The following NAALADL2 variants were observed in gnomAD, a reference collection of about 807,000 sequenced individuals.
NAALADL2 encodes inactive N-acetylated-alpha-linked acidic dipeptidase-like protein 2.
Under a neutral mutation model 87.2 loss-of-function variants are expected in NAALADL2, and 76 were observed. The observed-to-expected ratio is 0.87, with a 90% CI of 0.72 to 1.05. The LOEUF (loss-of-function observed/expected upper bound fraction) is 1.05, where lower values mean the gene tolerates loss of function less well. Among genes scored for constraint, NAALADL2 ranks in the 50% least tolerant of loss-of-function variants. The pLI, the probability that NAALADL2 is intolerant of heterozygous loss-of-function variation, is 0.00. For missense variants in NAALADL2, 1,089 were observed against 945.8 expected, an observed-to-expected ratio of 1.15 and a Z score of -1.99; for synonymous variants, 354 against 331.0, an observed-to-expected ratio of 1.07 and a Z score of -0.75.
chr3:175,348,573 TC>T (rs1763402056), intron 5 of NAALADL2, among the ~76,000 whole-genome samples: 1 of 152,118 alleles, frequency 6.6e-6, no homozygotes, highest in African/African-American at 2.4e-5. Flanking sequence ...CCTTGCATCT[TC>T]CCAGACTCCT....
intron 2 of NAALADL2, among the ~76,000 whole-genome samples, chr3:174,615,398 A>T (rs1307569992): frequency 6.6e-6 from 1 of 152,144 alleles, no homozygotes; most frequent in Non-Finnish European, 1.5e-5. Flanking sequence ...CAATTGATAG[A>T]GGTGGTTTTT....
Position 175,809,351 on chromosome 3 carries a change from A to G in NAALADL2, c.*6148A>G, listed in dbSNP as rs1424290594. The G allele has an allele frequency of 2.6e-5, 4 of 151,788 alleles. No individual in the cohort carries two copies. Among genetic ancestry groups the G allele is most frequent in the African/African-American group, 9.7e-5 (4 of 41,374 alleles). 9.4% of individuals were successfully genotyped at this position (151,788 alleles called of 1,614,324 possible). On this transcript the variant is annotated 3_prime_UTR_variant, in exon 14 of 14. Coordinates refer to ENST00000454872, the MANE Select transcript of NAALADL2 (RefSeq NM_207015.3). ...ATTTCATGTTTACATTTCTAACAGAAAGGTTTAATGGCAAATATTCCTTAT... is the reference window on the plus strand; with the variant it reads ...ATTTCATGTTTACATTTCTAACAGAGAGGTTTAATGGCAAATATTCCTTAT...
At chr3:175,148,810 T>G (rs933564364) in intron 2 of NAALADL2, among the ~76,000 whole-genome samples, 21 of 152,198 alleles carry the variant, frequency 1.4e-4, no homozygotes, top group African/African-American at 4.8e-4. Context: ...TGTGTCTCTT[T>G]TTGTACCAGT....
At chr3:175,721,521 G>A (rs1443217262) in intron 11 of NAALADL2, among the ~76,000 whole-genome samples, 1 of 152,068 alleles carries the variant, frequency 6.6e-6, no homozygotes, top group Admixed American at 6.6e-5. Context: ...AAAGGAGACT[G>A]AGGCAAAGCT....
intron 13 of NAALADL2, among the ~76,000 whole-genome samples, chr3:175,755,709 G>A (rs979872388): frequency 1.3e-5 from 2 of 152,134 alleles, no homozygotes; most frequent in African/African-American, 4.8e-5. Flanking sequence ...TGGAATTATA[G>A]GTTGCACTGA....
chr3:175,645,483 G>T (rs1025871402), intron 11 of NAALADL2, among the ~76,000 whole-genome samples: 2 of 152,050 alleles, frequency 1.3e-5, no homozygotes, highest in African/African-American at 4.8e-5. Context: ...AGGCTCCGGG[G>T]AGTCCTACCT....
chr3:174,568,184 A>G (rs61513436), intron 2 of NAALADL2, among the ~76,000 whole-genome samples: 4,015 of 151,912 alleles, frequency 0.026, 204 homozygotes, highest in African/African-American at 0.092. Context: ...TCTGTCCTCT[A>G]TCAACACTTT....
intron 1 of NAALADL2, among the ~76,000 whole-genome samples, chr3:174,548,485 C>A (rs1482832809): frequency 6.6e-6 from 1 of 151,994 alleles, no homozygotes; most frequent in Non-Finnish European, 1.5e-5. Flanking sequence ...TCTACAATTT[C>A]TAGATTTTCT....
intron 1 of NAALADL2, among the ~76,000 whole-genome samples, chr3:174,961,881 C>G (rs1742053898): frequency 1.3e-5 from 2 of 151,938 alleles, no homozygotes; most frequent in South Asian, 4.2e-4. Context: ...TCACAGCAAC[C>G]CTGATGTAAC....
chr3:175,589,780 G>A (rs1204378464), intron 10 of NAALADL2, among the ~76,000 whole-genome samples: 1 of 129,904 alleles, frequency 7.7e-6, no homozygotes, highest in Non-Finnish European at 1.6e-5. Flanking sequence ...AAATATTTAA[G>A]CCCCTTGACA....
At chr3:174,872,159 T>C (rs911271909) in intron 1 of NAALADL2, among the ~76,000 whole-genome samples, 1 of 152,152 alleles carries the variant, frequency 6.6e-6, no homozygotes, top group African/African-American at 2.4e-5. Flanking sequence ...GCTGTTAAGA[T>C]TAAGCGCATA....
At position 174,592,412 on chromosome 3, in the gene NAALADL2, T is replaced by C. The variant is rs958811013; in HGVS notation, c.-115+41775T>C. Among the ~76,000 whole-genome samples the C allele has an allele frequency of 3.9e-5, 6 of 152,116 alleles. No individual in the cohort carries two copies. In the South Asian group the frequency reaches 1.0e-3, roughly 26 times the overall value. ...TAGGTATATCTCAAAGATGAGATAG[T>C]AGGCTTTAGTTTTAGGCCATCCTGA... On this transcript the variant is annotated intron_variant, in intron 2 of 3. Coordinates refer to the NAALADL2 transcript ENST00000434257.
At chr3:175,533,066 T>A (rs1481484630) in intron 9 of NAALADL2, among the ~76,000 whole-genome samples, 1 of 152,160 alleles carries the variant, frequency 6.6e-6, no homozygotes, top group Non-Finnish European at 1.5e-5. Flanking sequence ...GTATTCCAAC[T>A]AACCAAACAA....
intron 2 of NAALADL2, among the ~76,000 whole-genome samples, chr3:174,659,823 C>T (rs908853915): frequency 2.0e-5 from 3 of 152,256 alleles, no homozygotes; most frequent in African/African-American, 7.2e-5. Context: ...TACAGTAATC[C>T]TGCCCTGTCC....
At chr3:175,497,748 C>T (rs890372976) in intron 9 of NAALADL2, among the ~76,000 whole-genome samples, 2 of 151,916 alleles carry the variant, frequency 1.3e-5, no homozygotes, top group African/African-American at 4.8e-5. Flanking sequence ...AAAGTAAAAT[C>T]TTATTTTTAA....
chr3:175,773,348 T>G (rs1332416152), intron 13 of NAALADL2: 1 of 152,084 alleles, frequency 6.6e-6, no homozygotes, highest in Non-Finnish European at 1.5e-5. Flanking sequence ...CTGTTATTTC[T>G]TTTTTTCATT....
At chr3:175,478,802 C>T (rs1726063489) in intron 9 of NAALADL2, among the ~76,000 whole-genome samples, 1 of 151,766 alleles carries the variant, frequency 6.6e-6, no homozygotes, top group Non-Finnish European at 1.5e-5. Context: ...AGATAAAATT[C>T]TGTAACAGTA....
chr3:175,402,815 G>T (rs557817887), intron 5 of NAALADL2, among the ~76,000 whole-genome samples: 1 of 152,000 alleles, frequency 6.6e-6, no homozygotes, highest in Non-Finnish European at 1.5e-5. Flanking sequence ...CACCACAACA[G>T]CCTATGCATT....
intron 10 of NAALADL2, among the ~76,000 whole-genome samples, chr3:175,624,618 G>A (rs146870735): frequency 2.6e-5 from 4 of 151,932 alleles, no homozygotes; most frequent in African/African-American, 9.6e-5. Flanking sequence ...AAAAAATTAC[G>A]TAAACATAAA....
Sources: gnomAD v4.1 joint callset for allele counts (sites outside exome capture counted in the v4.1 genomes callset) on GRCh38, gnomAD v4.1.1 for gene constraint, MANE v1.5 for transcripts, NCBI Gene and HGNC (gene_info 2026-07-23, HGNC 2026-07-21) for gene names.